The following SLC35D4 variants were observed in gnomAD, a reference collection of about 807,000 sequenced individuals.
SLC35D4 encodes the protein solute carrier family 35 member D4, also known as UDP-N-acetylglucosamine transporter SLC35D4.
chr18:23,408,100 T>C, the SLC35D4 span, among the ~76,000 whole-genome samples: 24 of 151,606 alleles, frequency 1.6e-4, no homozygotes, highest in Admixed American at 9.2e-4. Flanking sequence ...TATCTGTGAG[T>C]CCTTCTTACC....
the SLC35D4 span, among the ~76,000 whole-genome samples, chr18:23,415,627 T>G: frequency 6.6e-6 from 1 of 152,210 alleles, no homozygotes; most frequent in East Asian, 1.9e-4. Flanking sequence ...TAGAACCACT[T>G]TTTGCAAATA....
At chr18:23,426,881 G>A in the SLC35D4 span, among the ~76,000 whole-genome samples, 1 of 152,260 alleles carries the variant, frequency 6.6e-6, no homozygotes, top group South Asian at 2.1e-4. Context: ...ACAACCATTT[G>A]ATCTTTGACA....
the SLC35D4 span, among the ~76,000 whole-genome samples, chr18:23,422,998 G>A: frequency 6.6e-6 from 1 of 152,170 alleles, no homozygotes; most frequent in Non-Finnish European, 1.5e-5. Context: ...CATGTGTTGC[G>A]ACACTACAGT....
the SLC35D4 span, among the ~76,000 whole-genome samples, chr18:23,379,158 C>G: frequency 6.7e-6 from 1 of 148,662 alleles, no homozygotes; most frequent in Non-Finnish European, 1.5e-5. Flanking sequence ...GAGTCTTGCT[C>G]TGTTGCCCAG....
chr18:23,397,105 G>C, the SLC35D4 span, among the ~76,000 whole-genome samples: 1 of 152,084 alleles, frequency 6.6e-6, no homozygotes, highest in Non-Finnish European at 1.5e-5. Flanking sequence ...GGGGCGGCGG[G>C]GGGAGGGTAA....
chr18:23,434,181 A>T, the SLC35D4 span, among the ~76,000 whole-genome samples: 1 of 152,098 alleles, frequency 6.6e-6, no homozygotes, highest in Non-Finnish European at 1.5e-5. Context: ...CCCATAATGT[A>T]CAACCTACCT....
chr18:23,338,481 T>C, the SLC35D4 span, among the ~76,000 whole-genome samples: 2 of 152,186 alleles, frequency 1.3e-5, no homozygotes, highest in Non-Finnish European at 2.9e-5. Context: ...ATCCTCTCAA[T>C]AACATAGACA....
At chr18:23,378,805 T>C in the SLC35D4 span, among the ~76,000 whole-genome samples, 2 of 152,132 alleles carry the variant, frequency 1.3e-5, no homozygotes, top group Non-Finnish European at 1.5e-5. Context: ...CAGTGTGAAG[T>C]ATGAACATAT....
the SLC35D4 span, among the ~76,000 whole-genome samples, chr18:23,304,394 A>G: frequency 6.8e-6 from 1 of 147,762 alleles, no homozygotes; most frequent in Non-Finnish European, 1.5e-5. Flanking sequence ...ACATATCATT[A>G]TATATAATTA....
At chr18:23,385,181 A>G in the SLC35D4 span, 1 of 898,180 alleles carries the variant, frequency 1.1e-6, no homozygotes, top group South Asian at 1.6e-5. Flanking sequence ...GCATCCACAT[A>G]TATAATCACT....
chr18:23,418,046 C>T, the SLC35D4 span, among the ~76,000 whole-genome samples: 3 of 152,194 alleles, frequency 2.0e-5, no homozygotes, highest in Non-Finnish European at 2.9e-5. Flanking sequence ...TCTTACTGAA[C>T]TATCCACCAT....
chr18:23,354,515 G>C, the SLC35D4 span, among the ~76,000 whole-genome samples: 1 of 123,848 alleles, frequency 8.1e-6, no homozygotes, highest in Admixed American at 8.1e-5. Context: ...GCGAGATTCC[G>C]TCTCAAAAAA....
the SLC35D4 span, among the ~76,000 whole-genome samples, chr18:23,328,954 GA>G: frequency 6.6e-6 from 1 of 152,176 alleles, no homozygotes; most frequent in South Asian, 2.1e-4. Flanking sequence ...AAGAAACAGG[GA>G]AAAGATTCCC....
At chr18:23,263,583 C>G in the SLC35D4 span, among the ~76,000 whole-genome samples, 16 of 152,236 alleles carry the variant, frequency 1.1e-4, no homozygotes, top group African/African-American at 3.6e-4. Context: ...ATTTCACCAG[C>G]TAGTGTCTCG....
At chr18:23,266,406 CAAAAAAA>C in the SLC35D4 span, among the ~76,000 whole-genome samples, 1 of 103,736 alleles carries the variant, frequency 9.6e-6, no homozygotes, top group Non-Finnish European at 2.1e-5. Flanking sequence ...TAATTCTTAG[CAAAAAAA>C]AAAAAAAAAA....
chr18:23,293,736 C>T, the SLC35D4 span, among the ~76,000 whole-genome samples: 4 of 152,242 alleles, frequency 2.6e-5, no homozygotes, highest in African/African-American at 4.8e-5. Flanking sequence ...ACTCCCCTGC[C>T]GGTATTGAAG....
At chr18:23,282,713 C>G in the SLC35D4 span, among the ~76,000 whole-genome samples, 1 of 152,158 alleles carries the variant, frequency 6.6e-6, no homozygotes, top group Admixed American at 6.5e-5. Context: ...CCAGGAACAA[C>G]TTGGCACATG....
At chr18:23,436,225 G>A in the SLC35D4 span, among the ~76,000 whole-genome samples, 8 of 150,802 alleles carry the variant, frequency 5.3e-5, no homozygotes, top group Admixed American at 1.3e-4. Flanking sequence ...ACGGGGTTTC[G>A]CCATGCTGGC....
the SLC35D4 span, among the ~76,000 whole-genome samples, chr18:23,425,470 T>C: frequency 3.9e-5 from 6 of 152,292 alleles, no homozygotes; most frequent in East Asian, 9.6e-4. Flanking sequence ...TGATCATACA[T>C]TGAAAATGTC....
Sources: gnomAD v4.1 joint callset for allele counts (sites outside exome capture counted in the v4.1 genomes callset) on GRCh38, gnomAD v4.1.1 for gene constraint, MANE v1.5 for transcripts, NCBI Gene and HGNC (gene_info 2026-07-23, HGNC 2026-07-21) for gene names.